CDH4: variants seen among roughly 807,000 people sequenced by gnomAD.
CDH4 encodes the protein cadherin 4, also known as cadherin-4.
Under a neutral mutation model 86.0 loss-of-function variants are expected in CDH4, and 33 were observed. That is an observed-to-expected ratio of 0.38 (90% confidence interval 0.29 to 0.51). CDH4 has a LOEUF of 0.51. Ranked by LOEUF, CDH4 falls within the 20% of genes least tolerant of loss-of-function variation. The probability of loss-of-function intolerance (pLI) is 0.86; values close to 1 mark genes in which losing one functional copy is unlikely to be tolerated. For synonymous variants in CDH4, 555 were observed against 549.4 expected (o/e 1.01, Z -0.14); for missense variants, 1,114 against 1,307.4 (o/e 0.85, Z 2.28).
intron 2 of CDH4, among the ~76,000 whole-genome samples, chr20:61,400,390 G>C (rs781263755): frequency 6.6e-6 from 1 of 152,192 alleles, no homozygotes; most frequent in Non-Finnish European, 1.5e-5. Flanking sequence ...AAGTGATGCT[G>C]CACTGGGGGT....
chr20:61,331,198 T>G (rs2084570659), intron 2 of CDH4, among the ~76,000 whole-genome samples: 1 of 152,044 alleles, frequency 6.6e-6, no homozygotes, highest in African/African-American at 2.4e-5. Flanking sequence ...GAGCCTGCCA[T>G]GGCCACAGCT....
At chr20:61,750,464 A>C (rs57302688) in intron 3 of CDH4, among the ~76,000 whole-genome samples, 12,735 of 152,292 alleles carry the variant, frequency 0.084, 654 homozygotes, top group South Asian at 0.22. Context: ...AAACAAAACT[A>C]AAATCCTTAT....
chr20:61,844,175 C>T (rs1191130566), intron 4 of CDH4, among the ~76,000 whole-genome samples: 1 of 152,206 alleles, frequency 6.6e-6, no homozygotes, highest in African/African-American at 2.4e-5. Flanking sequence ...CATTTCCTCC[C>T]CCAGTTAGCA....
chr20:61,846,815 G>A (rs1307005526), intron 5 of CDH4, among the ~76,000 whole-genome samples: 3 of 152,164 alleles, frequency 2.0e-5, no homozygotes, highest in Admixed American at 2.0e-4. Flanking sequence ...TCTTCCTGGT[G>A]TGGCATTGCA....
intron 2 of CDH4, among the ~76,000 whole-genome samples, chr20:61,707,645 A>G (rs2087846160): frequency 1.3e-5 from 2 of 152,244 alleles, no homozygotes; most frequent in Admixed American, 1.3e-4. Flanking sequence ...TTTTGGCACC[A>G]GGGACCACGT....
chr20:61,357,342 A>T (rs1600897382), intron 2 of CDH4, among the ~76,000 whole-genome samples: 1 of 152,112 alleles, frequency 6.6e-6, no homozygotes, highest in South Asian at 2.1e-4. Flanking sequence ...GCTGGTCCAC[A>T]CCCACTGCTC....
intron 4 of CDH4, among the ~76,000 whole-genome samples, chr20:61,820,212 C>T (rs1980943143): frequency 6.6e-6 from 1 of 152,216 alleles, no homozygotes. Flanking sequence ...CAGCGGCTCT[C>T]ACTGGCTGCT....
chr20:61,714,196 G>A (rs11907720), intron 2 of CDH4, among the ~76,000 whole-genome samples: 4,314 of 151,846 alleles, frequency 0.028, 180 homozygotes, highest in South Asian at 0.095. Context: ...ACAGGCATCC[G>A]CCACCACGCC....
intron 3 of CDH4, among the ~76,000 whole-genome samples, chr20:61,757,380 G>A (rs1008924215): frequency 1.3e-5 from 2 of 152,236 alleles, no homozygotes; most frequent in African/African-American, 4.8e-5. Context: ...TATTGGAATT[G>A]GTCTTGCTTC....
intron 2 of CDH4, among the ~76,000 whole-genome samples, chr20:61,731,297 C>T (rs2088182349): frequency 6.6e-6 from 1 of 152,124 alleles, no homozygotes; most frequent in Non-Finnish European, 1.5e-5. Context: ...CCCCGGCGGC[C>T]CCTCACACGT....
At chr20:61,787,098 TCATCCATC>T (rs113099172) in intron 4 of CDH4, among the ~76,000 whole-genome samples, 7,613 of 151,634 alleles carry the variant, frequency 0.05, 216 homozygotes, top group Middle Eastern at 0.096. Flanking sequence ...CATCCATCCA[TCATCCATC>T]CATCCATCCA....
In CDH4 at chr20:61,805,490, A is replaced by G. The variant is rs370019598; in HGVS notation, c.576+32308A>G. On this transcript the variant is annotated intron_variant, in intron 4 of 15. Coordinates refer to ENST00000614565, the MANE Select transcript of CDH4 (RefSeq NM_001794.5). ...TCCGGCCAGGCACAACCTTTCCGGGATCCAGAGGGTACACTCCCCTGCCCG... is the reference window on the plus strand; with the variant it reads ...TCCGGCCAGGCACAACCTTTCCGGGGTCCAGAGGGTACACTCCCCTGCCCG... 3.3e-5 allele frequency among the ~76,000 whole-genome samples: 5 copies of G among 152,282 alleles called. No individual in the cohort carries two copies. In the South Asian group the frequency reaches 6.2e-4, roughly 19 times the overall value.
chr20:61,634,323 A>G (rs1261418686), intron 2 of CDH4, among the ~76,000 whole-genome samples: 1 of 152,130 alleles, frequency 6.6e-6, no homozygotes, highest in Non-Finnish European at 1.5e-5. Flanking sequence ...GAGCCCCCAG[A>G]AGGAATGGTG....
chr20:61,372,723 C>T (rs1450985464), intron 2 of CDH4, among the ~76,000 whole-genome samples: 4 of 152,204 alleles, frequency 2.6e-5, no homozygotes, highest in African/African-American at 4.8e-5. Context: ...ACGTGCCAGC[C>T]GGGTCTCAGT....
intron 2 of CDH4, among the ~76,000 whole-genome samples, chr20:61,528,756 T>C (rs1568878962): frequency 6.6e-6 from 1 of 152,000 alleles, no homozygotes; most frequent in East Asian, 1.9e-4. Context: ...AAGATGAAGC[T>C]GGAAGCATGG....
At chr20:61,280,078 G>A (rs1396555479) in intron 2 of CDH4, among the ~76,000 whole-genome samples, 2 of 152,098 alleles carry the variant, frequency 1.3e-5, no homozygotes, top group East Asian at 3.9e-4. Context: ...TCCCAGGTGG[G>A]ACTGGGAACT....
chr20:61,431,898 T>C (rs1034542360), intron 2 of CDH4, among the ~76,000 whole-genome samples: 1 of 152,178 alleles, frequency 6.6e-6, no homozygotes, highest in Non-Finnish European at 1.5e-5. Context: ...GTAGGGAATA[T>C]ACTTTTTTGT....
chr20:61,715,794 C>G (rs1190337977), intron 2 of CDH4, among the ~76,000 whole-genome samples: 1 of 152,194 alleles, frequency 6.6e-6, no homozygotes, highest in Non-Finnish European at 1.5e-5. Flanking sequence ...CAGCAATGCT[C>G]ATCTAACATG....
intron 2 of CDH4, among the ~76,000 whole-genome samples, chr20:61,505,560 G>T (rs1251439203): frequency 6.6e-6 from 1 of 152,176 alleles, no homozygotes; most frequent in Non-Finnish European, 1.5e-5. Context: ...CAGGGAAAAA[G>T]TACCCTTCCT....
Sources: allele counts gnomAD v4.1 joint callset (sites outside exome capture counted in the v4.1 genomes callset), GRCh38; gene constraint gnomAD v4.1.1; transcripts MANE v1.5; gene names NCBI Gene and HGNC (gene_info 2026-07-23, HGNC 2026-07-21).